FAT4: variants seen among roughly 807,000 people sequenced by gnomAD.
The protein encoded by FAT4 is protocadherin Fat 4.
Under a neutral mutation model 303.9 loss-of-function variants are expected in FAT4, and 84 were observed. The ratio of observed to expected loss-of-function variants is 0.28; its 90% CI spans 0.23 to 0.33. The LOEUF is 0.33. FAT4 is among the 10% of genes least tolerant of loss of function. The pLI is 1.00. For synonymous variants in FAT4, 2,307 were observed against 2,298.8 expected, an observed-to-expected ratio of 1.00 and a Z score of -0.10; for missense variants, 6,005 against 6,146.8, an observed-to-expected ratio of 0.98 and a Z score of 0.77.
At position 125,415,288 on chromosome 4, in the gene FAT4, A is replaced by G. The variant is rs1735001628; in HGVS notation, c.6325A>G (p.Thr2109Ala). Residue 2109 changes from threonine (T) to alanine (A), a missense_variant, in exon 6 of 18, where the codon ACT becomes GCT. Transcript: ENST00000394329. ...IGTIDGEVRL[T>A]GELDREEVSN... is the part of the protein sequence containing the mutation. The stretch of plus-strand genomic sequence containing the variant: ...GACCATTGATGGTGAAGTGAGGCTC[A>G]CTGGAGAACTGGACAGAGAAGAAGT... 6.2e-7 allele frequency: 1 copy of G among 1,613,978 alleles called. No individual in the cohort carries two copies. The highest frequency in any genetic ancestry group is 1.1e-5 in the South Asian group (1 of 91,092).
At chr4:125,393,040 CA>C (rs1378455662) in intron 2 of FAT4, among the ~76,000 whole-genome samples, 8 of 152,150 alleles carry the variant, frequency 5.3e-5, no homozygotes, top group Admixed American at 3.3e-4. Flanking sequence ...AACATTCCTA[CA>C]AAAAGTATTA....
intron 2 of FAT4, among the ~76,000 whole-genome samples, chr4:125,372,518 GTGTGATAGGAACTA>G (rs1733157785): frequency 6.6e-6 from 1 of 152,120 alleles, no homozygotes; most frequent in Non-Finnish European, 1.5e-5. Context: ...ACCTGAGGTA[GTGTGATAGGAACTA>G]TTAACTACAT....
At chr4:125,438,822 CT>C (rs1725547549) in intron 8 of FAT4, among the ~76,000 whole-genome samples, 1 of 152,016 alleles carries the variant, frequency 6.6e-6, no homozygotes, top group African/African-American at 2.4e-5. Flanking sequence ...TGAAGAAAAT[CT>C]ATTCTTTCTT....
chr4:125,317,166 G>C lies in FAT4; in HGVS notation c.755G>C (p.Ser252Thr). The change falls in exon 2 of 18, where the codon AGT becomes ACT. Residue 252 changes from serine (S) to threonine (T), a missense_variant. Transcript: ENST00000394329. This position sits in a 1 kb window ranked among gnomAD's most constrained non-coding sequence, Gnocchi z 7.0. ...DINDNPPVFG[S>T]SHYQAGVPED... ...AATGACAACCCCCCGGTTTTTGGCA[G>C]TTCTCACTACCAGGCGGGGGTGCCT... is the stretch of plus-strand genomic sequence containing the variant. 6.2e-7 allele frequency: 1 copy of C among 1,605,640 alleles called. No individual in the cohort carries two copies. The highest frequency in any genetic ancestry group is 8.5e-7 in the Non-Finnish European group (1 of 1,174,124).
In FAT4 at chr4:125,331,652, T is replaced by C. The variant is rs758967075; in HGVS notation, c.5175+10066T>C. Among the ~76,000 whole-genome samples the C allele has an allele frequency of 9.5e-4, 144 of 152,206 alleles. 3 individuals are homozygous for C. Among genetic ancestry groups the C allele is most frequent in the Non-Finnish European group, 2.2e-4 (15 of 68,042 alleles). On this transcript the variant is annotated intron_variant, in intron 2 of 17. Coordinates refer to ENST00000394329, the MANE Select transcript of FAT4 (RefSeq NM_001291303.3). ...TCTTCTCATCTCCTTCAACCTTATC[T>C]AATTTTGCTTTAGAGAGCAGATCTT...
rs752763776 is a variant in FAT4 at position 125,416,506 on chromosome 4, G to A, written c.6902G>A (p.Gly2301Asp). The change falls in exon 7 of 18, where the codon GGT (glycine) becomes GAT (aspartate). Residue 2301 changes from glycine (G) to aspartate (D), a missense_variant. Gly to Asp is a moderately conservative substitution (Grantham distance 94). Coordinates refer to ENST00000394329, the MANE Select transcript of FAT4 (RefSeq NM_001291303.3). ...SNSKLSYVLF[G>D]GNEDNAFTLS... ...AGCAAACTCTCATATGTTCTGTTTG[G>A]TGGTAATGAAGACAATGCTTTTACT... is the stretch of plus-strand genomic sequence containing the variant. 4 of 1,613,966 alleles carry A rather than the reference G, an allele frequency of 2.5e-6. No individual in the cohort carries two copies. Among genetic ancestry groups the A allele is most frequent in the South Asian group, 1.1e-5 (1 of 91,088 alleles).
chr4:125,400,215 T>C (rs1322982440), intron 3 of FAT4, among the ~76,000 whole-genome samples: 1 of 151,986 alleles, frequency 6.6e-6, no homozygotes. Context: ...GTAATAATCA[T>C]GTTAATTATA....
chr4:125,345,648 A>G (rs1731972344), intron 2 of FAT4, among the ~76,000 whole-genome samples: 1 of 152,010 alleles, frequency 6.6e-6, no homozygotes, highest in African/African-American at 2.4e-5. Context: ...ATTGCTTTGC[A>G]TGTTGAAATT....
intron 2 of FAT4, among the ~76,000 whole-genome samples, chr4:125,336,934 T>A (rs1731600109): frequency 6.6e-6 from 1 of 152,032 alleles, no homozygotes; most frequent in Non-Finnish European, 1.5e-5. Context: ...AAATATATCA[T>A]TTAATTATCT....
rs1391276719 is a variant in FAT4, at chr4:125,316,447, G to A, written c.36G>A (p.Pro12=). 6.2e-7 allele frequency: 1 copy of A among 1,613,168 alleles called. No homozygotes were observed. Among genetic ancestry groups the A allele is most frequent in the Non-Finnish European group, 8.5e-7 (1 of 1,179,600 alleles). The change falls in exon 2 of 18, where the codon CCG becomes CCA. Residue 12 remains proline (P), a synonymous_variant. Coordinates refer to ENST00000394329, the MANE Select transcript of FAT4 (RefSeq NM_001291303.3). The surrounding 1 kb of genome is among the most constrained non-coding windows in gnomAD (Gnocchi z 5.7). The part of the protein sequence containing the change: ...DLAPDRATGR[P]WLPLHTLSVS... The stretch of plus-strand genomic sequence containing the variant: ...CACCAGACAGGGCTACTGGCCGCCC[G>A]TGGCTCCCGTTGCACACTCTATCAG...
chr4:125,399,549 C>T (rs1225974167), intron 3 of FAT4, among the ~76,000 whole-genome samples: 1 of 151,824 alleles, frequency 6.6e-6, no homozygotes, highest in African/African-American at 2.4e-5. Flanking sequence ...TAAGCCAAGC[C>T]GAACACAGAA....
Position 125,360,932 on chromosome 4 carries a change from TA to T in FAT4, c.5176-37851del, listed in dbSNP as rs1325715081. Among the ~76,000 whole-genome samples the T allele has an allele frequency of 1.6e-3, 168 of 107,248 alleles. 1 individual carries two copies. Among genetic ancestry groups the T allele is most frequent in the Middle Eastern group, 4.3e-3 (1 of 232 alleles). 70.4% of individuals were successfully genotyped at this position (107,248 alleles called of 152,430 possible). ...TTATTTATTATTTATTTTATTTATT[TA>T]TTTTATTATTTTTATTTTATTTTAT... On this transcript the variant is annotated intron_variant, in intron 2 of 17. Coordinates refer to ENST00000394329, the MANE Select transcript of FAT4 (RefSeq NM_001291303.3).
chr4:125,316,927 C>A lies in FAT4; in HGVS notation c.516C>A (p.Arg172=). ...TCGGCTCAAACGGTGTGGACCACCGCTCCTACCGCATCATCCGCGGCAATG... is the reference window on the plus strand; with the variant it reads ...TCGGCTCAAACGGTGTGGACCACCGATCCTACCGCATCATCCGCGGCAATG... ...SDIGSNGVDH[R]SYRIIRGNEA... The change falls in exon 2 of 18, where the codon CGC becomes CGA. Residue 172 remains arginine, a synonymous_variant. Transcript: ENST00000394329. This position sits in a 1 kb window ranked among gnomAD's most constrained non-coding sequence, Gnocchi z 5.7. 6.2e-7 allele frequency: 1 copy of A among 1,614,004 alleles called. No individual in the cohort carries two copies. Among genetic ancestry groups the A allele is most frequent in the South Asian group, 1.1e-5 (1 of 91,088 alleles).
rs2125984886 is a variant in FAT4 at position 125,361,000 on chromosome 4, T to G, written c.5176-37784T>G. ...ATTTATTTTATTTATTTATTATTTA[T>G]AAATATTTATTAAATATTTATTAAA... is the stretch of plus-strand genomic sequence containing the variant. On this transcript the variant is annotated intron_variant, in intron 2 of 17. Transcript: ENST00000394329. Among the ~76,000 whole-genome samples, 3 of 148,028 alleles carry G rather than the reference T, an allele frequency of 2.0e-5. No homozygotes were observed. In the East Asian group the frequency reaches 5.9e-4, roughly 29 times the overall value.
At position 125,408,645 on chromosome 4, in the gene FAT4, A is replaced by G; in HGVS notation, c.5771A>G (p.Gln1924Arg). 1 of 1,611,028 alleles carries G rather than the reference A, an allele frequency of 6.2e-7. No individual in the cohort carries two copies. Among genetic ancestry groups the G allele is most frequent in the Admixed American group, 1.7e-5 (1 of 59,912 alleles). ...LTVRAEDGGG[Q>R]FTTIRVYFNI... is the part of the protein sequence containing the mutation. ...GTTCGAGCAGAAGATGGTGGGGGAC[A>G]ATTTACTACCATCAGAGTTTATTTC... Residue 1924 changes from glutamine to arginine, a missense_variant, in exon 5 of 18, where the codon CAA becomes CGA. Transcript: ENST00000394329.
At chr4:125,347,707 C>T (rs921289274) in intron 2 of FAT4, among the ~76,000 whole-genome samples, 1 of 151,606 alleles carries the variant, frequency 6.6e-6, no homozygotes, top group Non-Finnish European at 1.5e-5. Context: ...ATAGAAATTA[C>T]ATTTATTTTT....
chr4:125,426,172 T>A (rs938639433), intron 7 of FAT4, among the ~76,000 whole-genome samples: 1 of 152,092 alleles, frequency 6.6e-6, no homozygotes, highest in African/African-American at 2.4e-5. Flanking sequence ...TTGTGTAATA[T>A]GACATTTTAC....
At chr4:125,489,874 A>G (rs1286831367) in intron 17 of FAT4, 27 bp from the exon 18 acceptor site, 10 of 349,088 alleles carry the variant, frequency 2.9e-5, no homozygotes, top group Non-Finnish European at 4.0e-5. Flanking sequence ...TTTTTGTAAA[A>G]AGCCTTACTC....
intron 2 of FAT4, among the ~76,000 whole-genome samples, chr4:125,379,531 C>T (rs1169932707): frequency 6.6e-6 from 1 of 152,042 alleles, no homozygotes; most frequent in Non-Finnish European, 1.5e-5. Flanking sequence ...GCAATCTCGG[C>T]TCACTGTAAC....
Sources: allele counts gnomAD v4.1 joint callset (sites outside exome capture counted in the v4.1 genomes callset), GRCh38; gene constraint gnomAD v4.1.1; non-coding constraint Gnocchi (gnomAD v3.1); transcripts MANE v1.5; gene names NCBI Gene and HGNC (gene_info 2026-07-23, HGNC 2026-07-21).